The following NPR2 variants were observed in gnomAD, a reference collection of about 807,000 sequenced individuals.
NPR2 encodes the protein atrial natriuretic peptide receptor 2.
NPR2 carries 49 observed loss-of-function variants against 120.7 expected under a neutral mutation model. That is an observed-to-expected ratio of 0.41 (90% confidence interval 0.32 to 0.52). The LOEUF is 0.52. Among genes scored for constraint, NPR2 ranks in the 20% least tolerant of loss-of-function variants. NPR2 has a pLI of 0.36. For missense variants in NPR2, 931 were observed against 1,362.9 expected (o/e 0.68, Z 4.99); for synonymous variants, 484 against 519.8 (o/e 0.93, Z 0.94).
At chr9:35,807,188 G>GGGGGGGGCA in intron 17 of NPR2, 42 bp downstream of exon 17, 1 of 464,618 alleles carries the variant, frequency 2.2e-6, no homozygotes, top group Non-Finnish European at 4.3e-6. Context: ...GGTTGGGTGG[G>GGGGGGGGCA]TAGGGACCTG....
rs1387382616 is a variant in NPR2 at position 35,806,375 on chromosome 9, T to C, written c.2373-17T>C. 3 of 1,613,610 alleles carry C rather than the reference T, an allele frequency of 1.9e-6. No homozygotes were observed. In the South Asian group the frequency reaches 3.3e-5, roughly 18 times the overall value. On this transcript the variant is annotated splice_polypyrimidine_tract_variant and intron_variant, in intron 15 of 21. Coordinates refer to ENST00000342694, the MANE Select transcript of NPR2 (RefSeq NM_003995.4). The surrounding 1 kb of genome is among the most constrained non-coding windows in gnomAD (Gnocchi z 4.6). ...TCAGAATCTTAGAGCAAGTGCCTTA[T>C]CCTGGCCTCCCTCTAGGGAGGGTGG...
rs1295746908 is a variant in NPR2 at position 35,808,804 on chromosome 9, T to G, written c.2937T>G (p.Leu979=). ...VVGLKMPRYC[L]FGDTVNTASR... is the part of the protein sequence containing the mutation. ...GCCTGAAGATGCCCCGTTATTGTCT[T>G]TTTGGAGACACAGTGAACACTGCTT... The change falls in exon 20 of 22, where the codon CTT becomes CTG. Residue 979 remains leucine, a synonymous_variant. Coordinates refer to ENST00000342694, the MANE Select transcript of NPR2 (RefSeq NM_003995.4). The surrounding 1 kb of genome is among the most constrained non-coding windows in gnomAD (Gnocchi z 4.0). 2 of 1,613,594 alleles carry G rather than the reference T, an allele frequency of 1.2e-6. No individual in the cohort carries two copies. Among genetic ancestry groups the G allele is most frequent in the Non-Finnish European group, 1.7e-6 (2 of 1,179,490 alleles).
rs180732011 is a variant in NPR2, at chr9:35,792,191, C to T, written c.-218C>T. The T allele has an allele frequency of 7.3e-3, 4,006 of 550,288 alleles. 146 individuals are homozygous for T. The highest frequency in any genetic ancestry group is 0.072 in the African/African-American group (3,668 of 50,746). The allele number at this position is 550,288 out of a possible 1,614,324, so 34.1% of individuals were successfully genotyped here. A position where few individuals can be genotyped will look rare whatever the true frequency, so the allele number is the denominator to read the frequency against. On this transcript the variant is annotated 5_prime_UTR_variant, in exon 1 of 22. Transcript: ENST00000342694. ...CCCGTTCTCAGTCCTCAGTCCTTGC[C>T]CTAGGCTGGTAGCCCACTCCTTGCC... is the stretch of plus-strand genomic sequence containing the variant.
At chr9:35,804,055 A>T (rs1207764437) in intron 12 of NPR2, among the ~76,000 whole-genome samples, 1 of 152,228 alleles carries the variant, frequency 6.6e-6, no homozygotes, top group African/African-American at 2.4e-5. Flanking sequence ...TTTTGTTGAT[A>T]CCAAAATAAA....
intron 1 of NPR2, among the ~76,000 whole-genome samples, chr9:35,793,608 G>A (rs1827854440): frequency 6.6e-6 from 1 of 152,168 alleles, no homozygotes; most frequent in Non-Finnish European, 1.5e-5. Context: ...CAGGCCGGTT[G>A]GGTGGGGAGC....
intron 12 of NPR2, among the ~76,000 whole-genome samples, chr9:35,804,210 AT>A (rs1231215757): frequency 6.8e-6 from 1 of 147,550 alleles, no homozygotes; most frequent in Non-Finnish European, 1.5e-5. Flanking sequence ...CTAGGGTTTC[AT>A]TTTTGGGGAG....
chr9:35,802,738 C>T lies in NPR2; in HGVS notation c.1822C>T (p.Leu608=), dbSNP rs775426213. ...ATTCCATGTCACTTACCAGGATATTCTAGAAAATGACAGCATCAACTTGGA... is the reference window on the plus strand; with the variant it reads ...ATTCCATGTCACTTACCAGGATATTTTAGAAAATGACAGCATCAACTTGGA... The part of the protein sequence containing the change: ...YCPRGSLQDI[L]ENDSINLDWM... Residue 608 remains leucine, a synonymous_variant, in exon 12 of 22, where the codon CTA becomes TTA. Coordinates refer to ENST00000342694, the MANE Select transcript of NPR2 (RefSeq NM_003995.4). This position sits in a 1 kb window ranked among gnomAD's most constrained non-coding sequence, Gnocchi z 4.2. The T allele has an allele frequency of 9.3e-6, 15 of 1,610,656 alleles. No individual in the cohort carries two copies. Among genetic ancestry groups the T allele is most frequent in the Middle Eastern group, 1.6e-4 (1 of 6,078 alleles).
Position 35,800,422 on chromosome 9 carries a change from A to T in NPR2, c.1157A>T (p.Asn386Ile). ...GGGCTGGTTGTCATGGACAAGAACAATGACCGAGAGACTGACTTTGTCCTC... is the reference window on the plus strand; with the variant it reads ...GGGCTGGTTGTCATGGACAAGAACATTGACCGAGAGACTGACTTTGTCCTC... ...VTGLVVMDKN[N>I]DRETDFVLWA... The change falls in exon 5 of 22, where the codon AAT becomes ATT. Residue 386 changes from asparagine to isoleucine, a missense_variant. Coordinates refer to ENST00000342694, the MANE Select transcript of NPR2 (RefSeq NM_003995.4). The surrounding 1 kb of genome is among the most constrained non-coding windows in gnomAD (Gnocchi z 4.7). The T allele has an allele frequency of 6.2e-7, 1 of 1,614,142 alleles. No homozygotes were observed. The highest frequency in any genetic ancestry group is 8.5e-7 in the Non-Finnish European group (1 of 1,179,988).
At chr9:35,793,210 G>T (rs1827842991) in intron 1 of NPR2, 135 bp downstream of exon 1, 1 of 956,030 alleles carries the variant, frequency 1.0e-6, no homozygotes, top group East Asian at 2.6e-5. Context: ...AAGCACACGT[G>T]GACAGAGCAC....
chr9:35,793,670 C>T (rs1827856183), intron 1 of NPR2, among the ~76,000 whole-genome samples: 1 of 152,136 alleles, frequency 6.6e-6, no homozygotes, highest in Non-Finnish European at 1.5e-5. Flanking sequence ...AGCTCCCTTC[C>T]TCTGGGGTCT....
At position 35,809,198 on chromosome 9, in the gene NPR2, A is replaced by G. The variant is rs1828609114; in HGVS notation, c.3029A>G (p.Asp1010Gly). ...TCCTCTACCACCAAGGATGCCCTAG[A>G]TGAGCTAGGATGCTTCCAGCTAGAG... is the stretch of plus-strand genomic sequence containing the variant. ...HVSSTTKDAL[D>G]ELGCFQLELR... The change falls in exon 21 of 22, where the codon GAT becomes GGT. Residue 1010 changes from aspartate to glycine, a missense_variant. Around this residue, in one of 3 missense-constraint regions of NPR2, gnomAD observed 184 missense variants for 328.3 expected, o/e 0.56. Coordinates refer to ENST00000342694, the MANE Select transcript of NPR2 (RefSeq NM_003995.4). The surrounding 1 kb of genome is among the most constrained non-coding windows in gnomAD (Gnocchi z 4.1). 1 of 1,614,008 alleles carries G rather than the reference A, an allele frequency of 6.2e-7. No homozygotes were observed. Among genetic ancestry groups the G allele is most frequent in the Non-Finnish European group, 8.5e-7 (1 of 1,179,984 alleles).
At chr9:35,796,073 G>A (rs1171844614) in intron 2 of NPR2, among the ~76,000 whole-genome samples, 1 of 152,230 alleles carries the variant, frequency 6.6e-6, no homozygotes, top group Non-Finnish European at 1.5e-5. Context: ...AAAACATAAA[G>A]AGGAAAGGAA....
Position 35,800,973 on chromosome 9 carries a change from C to A in NPR2, c.1352-97C>A, listed in dbSNP as rs1828128970. The A allele has an allele frequency of 6.5e-7, 1 of 1,533,336 alleles. No homozygotes were observed. The highest frequency in any genetic ancestry group is 1.1e-5 in the South Asian group (1 of 89,426). 95.0% of individuals were successfully genotyped at this position (1,533,336 alleles called of 1,614,324 possible). A position where few individuals can be genotyped will look rare whatever the true frequency, so the allele number is the denominator to read the frequency against. The stretch of plus-strand genomic sequence containing the variant: ...TGCATCCCTCCCTCCTCATTTCTTC[C>A]TACTCCCAAGGAGTCTGTCTATGCA... On this transcript the variant is annotated intron_variant, in intron 6 of 21. Coordinates refer to ENST00000342694, the MANE Select transcript of NPR2 (RefSeq NM_003995.4). The surrounding 1 kb of genome is among the most constrained non-coding windows in gnomAD (Gnocchi z 4.7).
At chr9:35,793,604 G>A (rs1323610000) in intron 1 of NPR2, among the ~76,000 whole-genome samples, 1 of 152,118 alleles carries the variant, frequency 6.6e-6, no homozygotes, top group African/African-American at 2.4e-5. Context: ...GGAGCAGGCC[G>A]GTTGGGTGGG....
rs757424970 is a variant in NPR2, at chr9:35,802,540, T to C, written c.1748T>C (p.Ile583Thr). The stretch of plus-strand genomic sequence containing the variant: ...CAGTTCAACCATCTCACTCGCTTCA[T>C]TGGCGCCTGCATAGACCCTCCCAAC... ...DVQFNHLTRFIGACIDPPNIC... is the reference protein window; with the variant it reads ...DVQFNHLTRFTGACIDPPNIC... The change falls in exon 11 of 22, where the codon ATT becomes ACT. Residue 583 changes from isoleucine to threonine, a missense_variant. Ile to Thr is a moderately conservative substitution (Grantham distance 89, BLOSUM62 -1). Transcript: ENST00000342694. The surrounding 1 kb of genome is among the most constrained non-coding windows in gnomAD (Gnocchi z 4.2). The C allele has an allele frequency of 1.9e-6, 3 of 1,610,182 alleles. No individual in the cohort carries two copies. The highest frequency in any genetic ancestry group is 2.6e-6 in the Non-Finnish European group (3 of 1,176,340).
intron 17 of NPR2, 50 bp from the exon 18 acceptor site, chr9:35,807,271 AAGAATTCTT>A: frequency 6.6e-7 from 1 of 1,519,300 alleles, no homozygotes; most frequent in Admixed American, 1.7e-5. Flanking sequence ...CTTGTGGGTT[AAGAATTCTT>A]AGAAAATTGG....
At chr9:35,798,231 T>G (rs1828007629) in intron 2 of NPR2, among the ~76,000 whole-genome samples, 1 of 152,258 alleles carries the variant, frequency 6.6e-6, no homozygotes, top group Non-Finnish European at 1.5e-5. Flanking sequence ...CCTGATCTTT[T>G]CTCGCCCTTT....
intron 7 of NPR2, 46 bp from the exon 8 acceptor site, chr9:35,801,597 G>T: frequency 6.2e-7 from 1 of 1,612,794 alleles, no homozygotes; most frequent in Non-Finnish European, 8.5e-7. Context: ...GCTTGGGGGT[G>T]GCAGGATTCG....
rs1563993589 is a variant in NPR2 at position 35,808,481 on chromosome 9, G to A, written c.2713-28G>A. The A allele has an allele frequency of 1.9e-6, 3 of 1,612,254 alleles. No individual in the cohort carries two copies. Among genetic ancestry groups the A allele is most frequent in the Non-Finnish European group, 2.5e-6 (3 of 1,178,578 alleles). On this transcript the variant is annotated intron_variant, in intron 18 of 21. Coordinates refer to ENST00000342694, the MANE Select transcript of NPR2 (RefSeq NM_003995.4). The surrounding 1 kb of genome is among the most constrained non-coding windows in gnomAD (Gnocchi z 4.0). ...CCCATCCCCATGGATATAAATAGAG[G>A]TGACCTTTTAATCCCCCTCTCAATC...
Sources: allele counts gnomAD v4.1 joint callset (sites outside exome capture counted in the v4.1 genomes callset), GRCh38; gene constraint gnomAD v4.1.1; regional missense constraint gnomAD v4.1.1; non-coding constraint Gnocchi (gnomAD v3.1); transcripts MANE v1.5; gene names NCBI Gene and HGNC (gene_info 2026-07-23, HGNC 2026-07-21).